SLC24A2: variants seen among roughly 807,000 people sequenced by gnomAD.
SLC24A2 encodes the protein sodium/potassium/calcium exchanger 2.
A neutral mutation model predicts 62.0 loss-of-function variants in SLC24A2; 36 were observed. The ratio of observed to expected loss-of-function variants is 0.58; its 90% CI spans 0.44 to 0.77. SLC24A2 has a LOEUF of 0.77. Ranked by LOEUF, SLC24A2 falls within the 30% of genes least tolerant of loss-of-function variation. The pLI, the probability that SLC24A2 is intolerant of heterozygous loss-of-function variation, is 0.00. For missense variants in SLC24A2, 846 were observed against 817.9 expected (o/e 1.03, Z -0.42); for synonymous variants, 358 against 294.0 (o/e 1.22, Z -2.23).
the SLC24A2 span, among the ~76,000 whole-genome samples, chr9:20,277,273 G>T: frequency 7.9e-5 from 12 of 152,118 alleles, no homozygotes; most frequent in Admixed American, 1.3e-4. Context: ...CACAGCAAAA[G>T]AAACTACCAT....
chr9:19,724,933 T>G (rs12005367), intron 2 of SLC24A2, among the ~76,000 whole-genome samples: 14,276 of 152,100 alleles, frequency 0.094, 680 homozygotes, highest in South Asian at 0.15. Context: ...CAAGCGCCAG[T>G]CAAATCTCAC....
chr9:19,896,017 G>C, the SLC24A2 span: 6 of 1,481,112 alleles, frequency 4.1e-6, no homozygotes, highest in Non-Finnish European at 5.6e-6. Flanking sequence ...GCAGGGTCGT[G>C]GGAAGCCACA....
At chr9:20,125,195 CT>C in the SLC24A2 span, among the ~76,000 whole-genome samples, 1 of 152,132 alleles carries the variant, frequency 6.6e-6, no homozygotes, top group Non-Finnish European at 1.5e-5. Context: ...CCTCATGGAA[CT>C]TACTATCTAG....
the SLC24A2 span, among the ~76,000 whole-genome samples, chr9:20,016,204 T>A: frequency 6.6e-6 from 1 of 152,202 alleles, no homozygotes; most frequent in Non-Finnish European, 1.5e-5. Context: ...GACCAAAATA[T>A]TATTTTTTTA....
the SLC24A2 span, among the ~76,000 whole-genome samples, chr9:20,054,179 C>A: frequency 1.3e-5 from 2 of 151,210 alleles, no homozygotes; most frequent in African/African-American, 4.9e-5. Flanking sequence ...TTTTTCTTTT[C>A]TTTTCTTTTA....
At chr9:20,142,048 A>G in the SLC24A2 span, among the ~76,000 whole-genome samples, 5 of 152,138 alleles carry the variant, frequency 3.3e-5, no homozygotes, top group African/African-American at 1.2e-4. Context: ...ACACCACTGC[A>G]CTCCAGCCTG....
chr9:20,223,481 G>A, the SLC24A2 span, among the ~76,000 whole-genome samples: 5 of 152,140 alleles, frequency 3.3e-5, no homozygotes, highest in Admixed American at 3.3e-4. Context: ...AAATTTCCAT[G>A]TAATTTAAAA....
At chr9:19,982,857 A>G in the SLC24A2 span, among the ~76,000 whole-genome samples, 1 of 152,206 alleles carries the variant, frequency 6.6e-6, no homozygotes, top group African/African-American at 2.4e-5. Context: ...CAGGAATGCA[A>G]GAATCATCCA....
At chr9:19,830,114 G>A in the SLC24A2 span, among the ~76,000 whole-genome samples, 8 of 152,172 alleles carry the variant, frequency 5.3e-5, no homozygotes, top group Middle Eastern at 3.4e-3. Flanking sequence ...TTCCAGCAGA[G>A]TTCCAAGTTA....
chr9:19,860,720 T>C, the SLC24A2 span, among the ~76,000 whole-genome samples: 3 of 152,096 alleles, frequency 2.0e-5, no homozygotes, highest in Non-Finnish European at 4.4e-5. Context: ...CAGTCCCCGA[T>C]GGGTGAGTCC....
intron 5 of SLC24A2, among the ~76,000 whole-genome samples, chr9:19,594,685 C>T (rs924348920): frequency 6.6e-6 from 1 of 152,222 alleles, no homozygotes; most frequent in African/African-American, 2.4e-5. Context: ...TTCTCAAAGG[C>T]TAGCTAGCTA....
At chr9:20,228,470 G>A in the SLC24A2 span, among the ~76,000 whole-genome samples, 1 of 151,756 alleles carries the variant, frequency 6.6e-6, no homozygotes, top group Non-Finnish European at 1.5e-5. Context: ...ACCCCAAATT[G>A]TCTTTTAAAA....
At chr9:19,525,391 C>CTTTTTTTTTTTTTTTTTTTT (rs572919824) in intron 9 of SLC24A2, among the ~76,000 whole-genome samples, 1 of 76,374 alleles carries the variant, frequency 1.3e-5, no homozygotes, top group African/African-American at 5.7e-5. Flanking sequence ...TATTTCTTTA[C>CTTTTTTTTTTTTTTTTTTTT]TTTTTTTTTT....
At chr9:19,983,574 T>C in the SLC24A2 span, among the ~76,000 whole-genome samples, 1 of 152,028 alleles carries the variant, frequency 6.6e-6, no homozygotes, top group Admixed American at 6.6e-5. Flanking sequence ...ACCCAGGACG[T>C]GGAGGTTGTA....
intron 2 of SLC24A2, among the ~76,000 whole-genome samples, chr9:19,648,730 T>C (rs1818712360): frequency 6.6e-6 from 1 of 152,118 alleles, no homozygotes; most frequent in Non-Finnish European, 1.5e-5. Context: ...GAGGACACTT[T>C]TAAGATTAAG....
the SLC24A2 span, among the ~76,000 whole-genome samples, chr9:19,925,144 G>A: frequency 1.8e-4 from 27 of 152,324 alleles, no homozygotes; most frequent in Middle Eastern, 3.4e-3. Context: ...GACCTGCACA[G>A]ATGTGCTGTA....
chr9:20,044,170 C>A, the SLC24A2 span, among the ~76,000 whole-genome samples: 1 of 151,970 alleles, frequency 6.6e-6, no homozygotes, highest in Non-Finnish European at 1.5e-5. Context: ...AAACACAATG[C>A]AAACTTTTTA....
intron 8 of SLC24A2, among the ~76,000 whole-genome samples, chr9:19,547,120 G>A (rs2132731782): frequency 6.6e-6 from 1 of 152,254 alleles, no homozygotes; most frequent in South Asian, 2.1e-4. Context: ...ACTGGCCAAG[G>A]CCCAGTGTTT....
chr9:19,627,860 T>C (rs966345948), intron 2 of SLC24A2, among the ~76,000 whole-genome samples: 4 of 152,242 alleles, frequency 2.6e-5, no homozygotes, highest in African/African-American at 9.6e-5. Flanking sequence ...TATGTGCTAC[T>C]GGCAACCATT....
Sources: gnomAD v4.1 joint callset for allele counts (sites outside exome capture counted in the v4.1 genomes callset) on GRCh38, gnomAD v4.1.1 for gene constraint, MANE v1.5 for transcripts, NCBI Gene and HGNC (gene_info 2026-07-23, HGNC 2026-07-21) for gene names.